DRD2: variants seen among roughly 807,000 people sequenced by gnomAD.
DRD2 encodes the protein D(2) dopamine receptor.
DRD2 carries 8 observed loss-of-function variants against 38.0 expected under a neutral mutation model. That is an observed-to-expected ratio of 0.21 (90% CI 0.12 to 0.38). The LOEUF is 0.38. DRD2 is among the 10% of genes least tolerant of loss of function. The probability of loss-of-function intolerance (pLI) is 1.00; values close to 1 mark genes in which losing one functional copy is unlikely to be tolerated. For synonymous variants in DRD2, 230 were observed against 238.6 expected, an observed-to-expected ratio of 0.96 and a Z score of 0.33; for missense variants, 403 against 607.7, an observed-to-expected ratio of 0.66 and a Z score of 3.54.
chr11:113,431,788 T>C (rs1283557449), intron 1 of DRD2, among the ~76,000 whole-genome samples: 1 of 152,240 alleles, frequency 6.6e-6, no homozygotes, highest in Non-Finnish European at 1.5e-5. Flanking sequence ...ATTCACCCTA[T>C]ATGCCTTACA....
chr11:113,453,826 T>G (rs1330054576), intron 1 of DRD2, among the ~76,000 whole-genome samples: 1 of 152,202 alleles, frequency 6.6e-6, no homozygotes, highest in Non-Finnish European at 1.5e-5. Flanking sequence ...ACTCTACTCC[T>G]AGGACAGAGC....
intron 1 of DRD2, among the ~76,000 whole-genome samples, chr11:113,463,197 C>G (rs574027243): frequency 6.6e-6 from 1 of 152,280 alleles, no homozygotes; most frequent in South Asian, 2.1e-4. Context: ...TGGAGTATAG[C>G]TGAATAATAA....
At chr11:113,445,341 T>C (rs1198194784) in intron 1 of DRD2, among the ~76,000 whole-genome samples, 1 of 152,238 alleles carries the variant, frequency 6.6e-6, no homozygotes, top group African/African-American at 2.4e-5. Context: ...TGTGGTTATA[T>C]AAAACGTTCA....
At chr11:113,452,469 T>TGTGTGTGTGTGTGTGC (rs1210531875) in intron 1 of DRD2, among the ~76,000 whole-genome samples, 57 of 118,830 alleles carry the variant, frequency 4.8e-4, no homozygotes, top group African/African-American at 1.9e-3. Context: ...TGTGTGTGTG[T>TGTGTGTGTGTGTGTGC]GCGCGCGCGC....
intron 1 of DRD2, among the ~76,000 whole-genome samples, chr11:113,437,956 G>T (rs538642767): frequency 1.3e-5 from 2 of 152,130 alleles, no homozygotes; most frequent in Admixed American, 6.5e-5. Context: ...ACAACAGACT[G>T]GGGGGTGCAG....
chr11:113,422,984 C>T (rs1283658064), intron 2 of DRD2, among the ~76,000 whole-genome samples: 4 of 152,146 alleles, frequency 2.6e-5, no homozygotes, highest in African/African-American at 9.7e-5. Context: ...GGCAGAGCAC[C>T]GGCACTTTCC....
Position 113,412,616 on chromosome 11 carries a change from G to A in DRD2, c.1078C>T (p.Arg360Cys), listed in dbSNP as rs201230093. The change falls in exon 7 of 8, where the codon CGT (arginine) becomes TGT (cysteine). Residue 360 changes from arginine to cysteine, a missense_variant. Arg to Cys is a radical substitution (Grantham distance 180). Around this residue, in one of 4 missense-constraint regions of DRD2, gnomAD observed 67 missense variants for 136.1 expected, o/e 0.49. Transcript: ENST00000362072. ...TCCTTCTGCTGGGAGAGCTTCCTAC[G>A]GCTCATGGTCTTGAGGGAGGTCCGG... Reference protein sequence around the residue: ...KTRTSLKTMSRRKLSQQKEKK... With the variant: ...KTRTSLKTMSCRKLSQQKEKK... 1.1e-5 allele frequency: 17 copies of A among 1,614,014 alleles called. No individual in the cohort carries two copies. The highest frequency in any genetic ancestry group is 1.7e-5 in the Admixed American group (1 of 59,990).
chr11:113,462,703 G>A (rs7117915), intron 1 of DRD2, among the ~76,000 whole-genome samples: 25,415 of 152,234 alleles, frequency 0.17, 2,485 homozygotes, highest in East Asian at 0.39. Flanking sequence ...TCCCTCTGGA[G>A]ACTTTCTGGA....
rs142376356 is a variant in DRD2, at chr11:113,431,524, C to T, written c.-31-6842G>A. On this transcript the variant is annotated intron_variant, in intron 1 of 7. Coordinates refer to ENST00000362072, the MANE Select transcript of DRD2 (RefSeq NM_000795.4). Reference sequence around the variant, plus strand: ...CCTCATCTGTCTCCAGGACTCTTTGCTCTGCCCTAGCTCAGAAGGGCAAAG... The same window carrying T: ...CCTCATCTGTCTCCAGGACTCTTTGTTCTGCCCTAGCTCAGAAGGGCAAAG... Among the ~76,000 whole-genome samples, 495 of 152,348 alleles carry T rather than the reference C, an allele frequency of 3.2e-3. 1 individual carries two copies. Among genetic ancestry groups the T allele is most frequent in the African/African-American group, 0.011 (442 of 41,570 alleles).
chr11:113,417,118 A>G, intron 3 of DRD2, 119 bp from the exon 4 acceptor site: 1 of 1,421,246 alleles, frequency 7.0e-7, no homozygotes, highest in Non-Finnish European at 9.4e-7. Flanking sequence ...CACCTCTATG[A>G]AGCTTGCCTG....
intron 1 of DRD2, among the ~76,000 whole-genome samples, chr11:113,428,963 A>G (rs1306855683): frequency 6.6e-6 from 1 of 152,132 alleles, no homozygotes; most frequent in Non-Finnish European, 1.5e-5. Flanking sequence ...TGAGCACTGC[A>G]GGTCAGGTGG....
At chr11:113,435,046 A>AAGGTGGCC (rs1472486769) in intron 1 of DRD2, among the ~76,000 whole-genome samples, 17 of 152,172 alleles carry the variant, frequency 1.1e-4, no homozygotes, top group African/African-American at 3.9e-4. Flanking sequence ...GCTTCTTCCC[A>AAGGTGGCC]AGGTGGCCAG....
At chr11:113,444,979 A>G (rs1242388876) in intron 1 of DRD2, among the ~76,000 whole-genome samples, 1 of 152,262 alleles carries the variant, frequency 6.6e-6, no homozygotes, top group Non-Finnish European at 1.5e-5. Context: ...TTTTTGGCAG[A>G]AGCAAAGGCT....
chr11:113,414,256 G>A, intron 6 of DRD2, 119 bp downstream of exon 6: 1 of 926,764 alleles, frequency 1.1e-6, no homozygotes, highest in Non-Finnish European at 1.8e-6. Context: ...GCTGAGGCAA[G>A]GTGGGGGTTT....
intron 1 of DRD2, among the ~76,000 whole-genome samples, chr11:113,433,769 C>G (rs1413752161): frequency 6.6e-6 from 1 of 152,176 alleles, no homozygotes; most frequent in Non-Finnish European, 1.5e-5. Flanking sequence ...CGAGGGCCTT[C>G]TGTGGCCCAG....
At chr11:113,450,783 T>C (rs937739349) in intron 1 of DRD2, among the ~76,000 whole-genome samples, 1 of 152,158 alleles carries the variant, frequency 6.6e-6, no homozygotes, top group Non-Finnish European at 1.5e-5. Context: ...AGAGATTTGG[T>C]CCTCTTGAGG....
At chr11:113,428,415 A>G (rs1950958563) in intron 1 of DRD2, among the ~76,000 whole-genome samples, 1 of 152,218 alleles carries the variant, frequency 6.6e-6, no homozygotes, top group Non-Finnish European at 1.5e-5. Flanking sequence ...AGGCCTTGAA[A>G]GAGGCATCTC....
chr11:113,418,173 G>A (rs766789195), intron 2 of DRD2, 37 bp from the exon 3 acceptor site: 4 of 1,557,406 alleles, frequency 2.6e-6, no homozygotes, highest in Non-Finnish European at 3.5e-6. Context: ...GACAGCAGGA[G>A]TGGGAGATTA....
At chr11:113,418,493 C>A (rs916769811) in intron 2 of DRD2, among the ~76,000 whole-genome samples, 5 of 152,152 alleles carry the variant, frequency 3.3e-5, no homozygotes, top group Non-Finnish European at 7.4e-5. Flanking sequence ...CACAGAGACA[C>A]CTATATTGAC....
Sources: gnomAD v4.1 joint callset for allele counts (sites outside exome capture counted in the v4.1 genomes callset) on GRCh38, gnomAD v4.1.1 for gene constraint, gnomAD v4.1.1 regional missense constraint, MANE v1.5 for transcripts, NCBI Gene and HGNC (gene_info 2026-07-23, HGNC 2026-07-21) for gene names.